Variants in KCNG2 observed in about 807,000 individuals in gnomAD.
The protein encoded by KCNG2 is potassium voltage-gated channel modifier subfamily G member 2, also known as voltage-gated potassium channel regulatory subunit KCNG2.
Under a neutral mutation model 12.3 loss-of-function variants are expected in KCNG2, and 7 were observed. That is an observed-to-expected ratio of 0.57 (90% CI 0.32 to 1.07). The LOEUF (loss-of-function observed/expected upper bound fraction) is 1.07. KCNG2 is among the 50% of genes least tolerant of loss of function. The probability of loss-of-function intolerance (pLI) is 0.04; values close to 1 mark genes in which losing one functional copy is unlikely to be tolerated. For missense variants in KCNG2, 703 were observed against 726.0 expected (o/e 0.97, Z 0.36); for synonymous variants, 414 against 351.4 (o/e 1.18, Z -1.99).
intron 3 of KCNG2, among the ~76,000 whole-genome samples, chr18:79,895,737 C>G (rs1407906562): frequency 1.3e-5 from 2 of 152,170 alleles, no homozygotes; most frequent in Non-Finnish European, 2.9e-5. Flanking sequence ...CCATTCCCAT[C>G]TAATGTTATG....
intron 3 of KCNG2, among the ~76,000 whole-genome samples, chr18:79,888,417 CAT>C (rs1980617996): frequency 7.0e-6 from 1 of 143,510 alleles, no homozygotes; most frequent in Non-Finnish European, 1.6e-5. Context: ...GCGTCCTCCT[CAT>C]GAGGCCGCGG....
intron 1 of KCNG2, among the ~76,000 whole-genome samples, chr18:79,805,860 C>T (rs2087445383): frequency 7.2e-6 from 1 of 138,834 alleles, no homozygotes; most frequent in African/African-American, 2.6e-5. Context: ...CGCAGGTCCA[C>T]ATGCACACAC....
At chr18:79,798,077 A>G (rs1290961973) in intron 1 of KCNG2, among the ~76,000 whole-genome samples, 63 bp downstream of exon 1, 1 of 102,490 alleles carries the variant, frequency 9.8e-6, no homozygotes, top group Non-Finnish European at 2.0e-5. Context: ...CCGGGGCCGC[A>G]GTGGGCGGTG....
At chr18:79,877,641 T>A (rs554772840) in intron 3 of KCNG2, among the ~76,000 whole-genome samples, 1 of 151,462 alleles carries the variant, frequency 6.6e-6, no homozygotes, top group Admixed American at 6.6e-5. Flanking sequence ...CCGCAGAATC[T>A]TCTGTGCTCT....
intron 3 of KCNG2, among the ~76,000 whole-genome samples, chr18:79,888,831 C>T (rs542513557): frequency 2.2e-4 from 33 of 152,162 alleles, no homozygotes; most frequent in South Asian, 2.1e-3. Context: ...TCCACCACCA[C>T]GCCCAGCTAT....
At chr18:79,848,541 G>A (rs1468260714) in intron 1 of KCNG2, among the ~76,000 whole-genome samples, 1 of 152,194 alleles carries the variant, frequency 6.6e-6, no homozygotes, top group East Asian at 1.9e-4. Flanking sequence ...CCACCCTAGG[G>A]GCCTTGTCTT....
intron 1 of KCNG2, among the ~76,000 whole-genome samples, chr18:79,844,786 C>T (rs1040201601): frequency 6.6e-6 from 1 of 152,192 alleles, no homozygotes; most frequent in African/African-American, 2.4e-5. Flanking sequence ...CTGTTTCTCT[C>T]ATACATTGCT....
At chr18:79,861,659 T>A (rs189864655) in intron 2 of KCNG2, among the ~76,000 whole-genome samples, 16 of 152,334 alleles carry the variant, frequency 1.1e-4, no homozygotes, top group African/African-American at 3.8e-4. Context: ...GTTTCTTAGA[T>A]GTGTAGATTA....
chr18:79,803,975 G>A lies in KCNG2; in HGVS notation c.-115+5961G>A, dbSNP rs1252895466. 2.0e-5 allele frequency among the ~76,000 whole-genome samples: 3 copies of A among 152,188 alleles called. No individual in the cohort carries two copies. The highest frequency in any genetic ancestry group is 2.1e-4 in the South Asian group (1 of 4,832). Reference sequence around the variant, plus strand: ...GGGAGCTCTAGCCTGCAGCAGGCCCGTCCTTTGCTGGTGGCAGATTATTCC... The same window carrying A: ...GGGAGCTCTAGCCTGCAGCAGGCCCATCCTTTGCTGGTGGCAGATTATTCC... On this transcript the variant is annotated intron_variant, in intron 1 of 3. Coordinates refer to ENST00000316249, the MANE Select transcript of KCNG2 (RefSeq NM_012283.2). This position sits in a 1 kb window ranked among gnomAD's most constrained non-coding sequence, Gnocchi z 4.5.
intron 3 of KCNG2, 21 bp downstream of exon 3, chr18:79,864,312 CG>C (rs1599404500): frequency 8.8e-6 from 11 of 1,245,974 alleles, no homozygotes; most frequent in Non-Finnish European, 1.1e-5. Context: ...CCGGGGGTGG[CG>C]GGGACCGGGC....
intron 1 of KCNG2, among the ~76,000 whole-genome samples, chr18:79,842,822 C>G (rs1273616133): frequency 5.9e-5 from 9 of 151,894 alleles, no homozygotes; most frequent in Non-Finnish European, 1.0e-4. Context: ...ATCAGAAGAG[C>G]AAGAAAAGTG....
chr18:79,845,293 G>A (rs954995708), intron 1 of KCNG2, among the ~76,000 whole-genome samples: 3 of 152,224 alleles, frequency 2.0e-5, no homozygotes, highest in African/African-American at 7.2e-5. Context: ...AGGGGGTGTG[G>A]CTGTGAATCC....
chr18:79,847,712 C>T (rs1390768736), intron 1 of KCNG2, among the ~76,000 whole-genome samples: 1 of 152,170 alleles, frequency 6.6e-6, no homozygotes, highest in African/African-American at 2.4e-5. Flanking sequence ...GTGGCAGTTG[C>T]AGCTTTTCCC....
At chr18:79,799,196 T>C (rs982940401) in intron 1 of KCNG2, among the ~76,000 whole-genome samples, 5 of 152,184 alleles carry the variant, frequency 3.3e-5, no homozygotes, top group Admixed American at 6.5e-5. Flanking sequence ...GGAGAGGCTG[T>C]TCCACCCTCA....
Position 79,899,660 on chromosome 18 carries a change from C to G in KCNG2, c.1245C>G (p.Leu415=). The change falls in exon 4 of 4, where the codon CTC becomes CTG. Residue 415 remains leucine, a synonymous_variant. Coordinates refer to ENST00000316249, the MANE Select transcript of KCNG2 (RefSeq NM_012283.2). The stretch of plus-strand genomic sequence containing the variant: ...CCTTTTCGCGCTCCTACTCCGAGCT[C>G]AAGGAGCAGCAGCAGCGCGCGGCCA... ...FHTFSRSYSE[L]KEQQQRAASP... 1 of 1,607,198 alleles carries G rather than the reference C, an allele frequency of 6.2e-7. No individual in the cohort carries two copies. The highest frequency in any genetic ancestry group is 8.5e-7 in the Non-Finnish European group (1 of 1,177,582).
intron 3 of KCNG2, among the ~76,000 whole-genome samples, chr18:79,865,911 TGTGCTGAGAGATCTGG>T (rs1405203179): frequency 1.1e-4 from 13 of 113,502 alleles, no homozygotes; most frequent in African/African-American, 4.0e-4. Context: ...GAGAGGTCTG[TGTGCTGAGAGATCTGG>T]GTGCTGAGGT....
chr18:79,879,404 G>C (rs1323866099), intron 3 of KCNG2, among the ~76,000 whole-genome samples: 1 of 152,200 alleles, frequency 6.6e-6, no homozygotes, highest in Non-Finnish European at 1.5e-5. Flanking sequence ...CATGGGGCTT[G>C]GGGAAACACA....
intron 2 of KCNG2, among the ~76,000 whole-genome samples, chr18:79,860,730 ACATAAGAT>A (rs1979183471): frequency 6.6e-6 from 1 of 152,156 alleles, no homozygotes; most frequent in African/African-American, 2.4e-5. Flanking sequence ...GGTTTTCTGT[ACATAAGAT>A]CATAAGATCA....
At chr18:79,869,218 G>A (rs1023687426) in intron 3 of KCNG2, among the ~76,000 whole-genome samples, 1 of 152,196 alleles carries the variant, frequency 6.6e-6, no homozygotes. Flanking sequence ...CCCGCCCCGC[G>A]CTGAGTCTCC....
Sources: gnomAD v4.1 joint callset for allele counts (sites outside exome capture counted in the v4.1 genomes callset) on GRCh38, gnomAD v4.1.1 for gene constraint, Gnocchi (gnomAD v3.1) non-coding constraint, MANE v1.5 for transcripts, NCBI Gene and HGNC (gene_info 2026-07-23, HGNC 2026-07-21) for gene names.